Variants in UMAD1 observed in about 807,000 individuals in gnomAD.
UMAD1 encodes the protein UBAP1-MVB12-associated (UMA)-domain containing protein 1.
UMAD1 carries 8 observed loss-of-function variants against 6.1 expected under a neutral mutation model. The observed-to-expected ratio is 1.30, with a 90% confidence interval of 0.76 to 2.35. The LOEUF is 2.35. Ranked by LOEUF, UMAD1 falls within the 30% of genes most tolerant of loss-of-function variation. The probability of loss-of-function intolerance (pLI) is 0.00; values close to 1 mark genes in which losing one functional copy is unlikely to be tolerated. For missense variants in UMAD1, 130 were observed against 78.4 expected, an observed-to-expected ratio of 1.66 and a Z score of -2.49; for synonymous variants, 56 against 31.4, an observed-to-expected ratio of 1.78 and a Z score of -2.61.
intron 3 of UMAD1, among the ~76,000 whole-genome samples, chr7:7,813,481 G>A (rs1255165818): frequency 2.0e-5 from 3 of 152,200 alleles, no homozygotes; most frequent in Non-Finnish European, 2.9e-5. Flanking sequence ...TGGGATTACA[G>A]GCATGAGTGA....
At chr7:7,707,257 A>G (rs1210480026) in intron 2 of UMAD1, among the ~76,000 whole-genome samples, 1 of 152,184 alleles carries the variant, frequency 6.6e-6, no homozygotes, top group Non-Finnish European at 1.5e-5. Context: ...TCTGCCTACA[A>G]TATTAATATG....
At chr7:7,873,046 G>T (rs989999351) in intron 3 of UMAD1, among the ~76,000 whole-genome samples, 3 of 152,182 alleles carry the variant, frequency 2.0e-5, no homozygotes, top group Non-Finnish European at 4.4e-5. Context: ...ACTTTAACCT[G>T]TGCCGAGCAC....
At chr7:7,774,409 C>G (rs918076575) in intron 2 of UMAD1, among the ~76,000 whole-genome samples, 1 of 152,154 alleles carries the variant, frequency 6.6e-6, no homozygotes, top group Non-Finnish European at 1.5e-5. Context: ...TTCCAGCTAG[C>G]CTAGCGTTGT....
At chr7:7,811,292 G>A (rs1313801371) in intron 3 of UMAD1, among the ~76,000 whole-genome samples, 1 of 152,034 alleles carries the variant, frequency 6.6e-6, no homozygotes, top group Non-Finnish European at 1.5e-5. Context: ...TCTAATTTCT[G>A]ATTTCTTTGG....
chr7:7,699,115 AAGTG>A (rs1780393976), intron 2 of UMAD1, among the ~76,000 whole-genome samples: 3 of 151,698 alleles, frequency 2.0e-5, no homozygotes, highest in Admixed American at 2.0e-4. Flanking sequence ...TTGGCTTCCA[AAGTG>A]CTAGCATTAT....
intron 2 of UMAD1, among the ~76,000 whole-genome samples, chr7:7,787,204 C>G (rs2052223): frequency 0.53 from 79,795 of 151,872 alleles, 20,985 homozygotes; most frequent in South Asian, 0.59. Context: ...CCAAGCAGTA[C>G]TGTGGAATTT....
chr7:7,852,635 G>A (rs1783939547), intron 3 of UMAD1, among the ~76,000 whole-genome samples: 1 of 152,178 alleles, frequency 6.6e-6, no homozygotes. Flanking sequence ...GATACACGGG[G>A]TAAGGTCTGG....
chr7:7,653,222 C>T (rs971900701), intron 1 of UMAD1, among the ~76,000 whole-genome samples: 13 of 152,150 alleles, frequency 8.5e-5, no homozygotes, highest in South Asian at 2.1e-4. Flanking sequence ...TATTTACACT[C>T]AAATCAAAAT....
At chr7:7,702,785 T>TTTGTTG (rs148600831) in intron 2 of UMAD1, among the ~76,000 whole-genome samples, 1 of 150,346 alleles carries the variant, frequency 6.7e-6, no homozygotes, top group African/African-American at 2.4e-5. Context: ...GGCCTGGGTT[T>TTTGTTG]TTGTTGTTGT....
intron 3 of UMAD1, among the ~76,000 whole-genome samples, chr7:7,863,950 C>T (rs764962698): frequency 6.6e-5 from 10 of 152,238 alleles, no homozygotes; most frequent in East Asian, 1.9e-4. Context: ...TACAGGCTTA[C>T]GCCTGTCATC....
At chr7:7,649,359 T>TC (rs1191435252) in intron 1 of UMAD1, among the ~76,000 whole-genome samples, 1 of 151,750 alleles carries the variant, frequency 6.6e-6, no homozygotes, top group African/African-American at 2.4e-5. Context: ...AGGAAACTAC[T>TC]CCCCCAATAA....
At chr7:7,850,881 A>T (rs992022660) in intron 3 of UMAD1, among the ~76,000 whole-genome samples, 2 of 152,150 alleles carry the variant, frequency 1.3e-5, no homozygotes, top group Non-Finnish European at 2.9e-5. Context: ...TTTTAAGTTC[A>T]TCTAAATATT....
At chr7:7,659,993 G>A (rs1785434895) in intron 1 of UMAD1, among the ~76,000 whole-genome samples, 1 of 152,158 alleles carries the variant, frequency 6.6e-6, no homozygotes, top group Non-Finnish European at 1.5e-5. Context: ...TCCTGTATTG[G>A]AGGCATATAT....
intron 3 of UMAD1, among the ~76,000 whole-genome samples, chr7:7,845,409 G>C (rs1034582874): frequency 2.0e-5 from 3 of 152,008 alleles, no homozygotes; most frequent in Non-Finnish European, 4.4e-5. Context: ...AAACCTCATA[G>C]AATTTAGAGA....
chr7:7,651,941 C>T (rs1452239174), intron 1 of UMAD1, among the ~76,000 whole-genome samples: 1 of 152,130 alleles, frequency 6.6e-6, no homozygotes, highest in Non-Finnish European at 1.5e-5. Flanking sequence ...CCATTCAAAC[C>T]ACTGCCCTCC....
intron 1 of UMAD1, among the ~76,000 whole-genome samples, chr7:7,672,868 G>A (rs1190612133): frequency 1.3e-5 from 2 of 152,160 alleles, no homozygotes; most frequent in Admixed American, 6.5e-5. Context: ...GATGTTTGAT[G>A]TGTTTTCTTT....
At chr7:7,820,445 T>C (rs13221422) in intron 3 of UMAD1, among the ~76,000 whole-genome samples, 2,271 of 152,274 alleles carry the variant, frequency 0.015, 19 homozygotes, top group Non-Finnish European at 0.016. Context: ...GAAATTAAAA[T>C]TTTCTAACAA....
intron 2 of UMAD1, among the ~76,000 whole-genome samples, chr7:7,705,070 T>TCC (rs1163926389): frequency 6.6e-6 from 1 of 152,178 alleles, no homozygotes; most frequent in Non-Finnish European, 1.5e-5. Flanking sequence ...TTTCTGGCAT[T>TCC]GTTATTATTC....
intron 2 of UMAD1, among the ~76,000 whole-genome samples, chr7:7,751,209 T>C (rs1482010955): frequency 1.3e-5 from 2 of 152,240 alleles, no homozygotes; most frequent in Non-Finnish European, 2.9e-5. Flanking sequence ...ACTATATCTC[T>C]CCCCAATTAT....
Sources: allele counts gnomAD v4.1 joint callset (sites outside exome capture counted in the v4.1 genomes callset), GRCh38; gene constraint gnomAD v4.1.1; transcripts MANE v1.5; gene names NCBI Gene and HGNC (gene_info 2026-07-23, HGNC 2026-07-21).